Variants in GPHN observed in about 807,000 individuals in gnomAD.
The protein encoded by GPHN is gephyrin.
Under a neutral mutation model 95.5 loss-of-function variants are expected in GPHN, and 17 were observed. That is an observed-to-expected ratio of 0.18 (90% CI 0.12 to 0.27). The LOEUF (loss-of-function observed/expected upper bound fraction) is 0.27, where lower values mean the gene tolerates loss of function less well. Ranked by LOEUF, GPHN falls within the 10% of genes least tolerant of loss-of-function variation. The pLI is 1.00. For missense variants in GPHN, 660 were observed against 978.1 expected, an observed-to-expected ratio of 0.67 and a Z score of 4.34; for synonymous variants, 320 against 322.5, an observed-to-expected ratio of 0.99 and a Z score of 0.08.
chr14:67,528,951 G>A, the GPHN span, among the ~76,000 whole-genome samples: 2 of 152,040 alleles, frequency 1.3e-5, no homozygotes, highest in Non-Finnish European at 2.9e-5. Flanking sequence ...TGGAATCACT[G>A]CCCACCTCCT....
the GPHN span, chr14:67,555,915 T>C: frequency 1.2e-6 from 2 of 1,610,124 alleles, no homozygotes; most frequent in Non-Finnish European, 8.5e-7. Flanking sequence ...TCGGCGGGAA[T>C]ATGCAGGGGA....
the GPHN span, among the ~76,000 whole-genome samples, chr14:67,431,391 CAAAAAAA>C: frequency 4.3e-3 from 329 of 77,338 alleles, no homozygotes; most frequent in African/African-American, 0.013. Flanking sequence ...GACTCTGTCT[CAAAAAAA>C]AAAAAAAAAA....
intron 3 of GPHN, among the ~76,000 whole-genome samples, chr14:66,793,885 A>G (rs547809127): frequency 1.2e-4 from 19 of 152,206 alleles, no homozygotes; most frequent in African/African-American, 4.1e-4. Flanking sequence ...AATAAGAGAC[A>G]TATAGAAAAC....
At chr14:67,572,001 C>A in the GPHN span, 2 of 1,488,538 alleles carry the variant, frequency 1.3e-6, no homozygotes, top group Non-Finnish European at 1.8e-6. Context: ...GATCTGAGCT[C>A]GTGACCCCCC....
the GPHN span, chr14:67,199,979 C>A: frequency 1.8e-6 from 2 of 1,141,800 alleles, no homozygotes; most frequent in East Asian, 2.5e-5. Flanking sequence ...CCAGGGATGT[C>A]TCAGATGCAG....
chr14:66,926,774 T>C (rs941972071), intron 8 of GPHN, among the ~76,000 whole-genome samples: 1 of 152,182 alleles, frequency 6.6e-6, no homozygotes, highest in Non-Finnish European at 1.5e-5. Flanking sequence ...TGATTATTTT[T>C]TCTGTTTCTG....
chr14:66,641,055 G>T (rs572121810), intron 1 of GPHN, among the ~76,000 whole-genome samples: 2 of 152,310 alleles, frequency 1.3e-5, no homozygotes, highest in East Asian at 3.9e-4. Flanking sequence ...AGGATGAATA[G>T]ATACACTGTC....
chr14:67,371,282 G>C, the GPHN span, among the ~76,000 whole-genome samples: 1 of 151,830 alleles, frequency 6.6e-6, no homozygotes, highest in African/African-American at 2.4e-5. Flanking sequence ...GGGTGTGGTG[G>C]TGTGTACCTG....
At chr14:67,515,403 GC>G in the GPHN span, 2 of 179,724 alleles carry the variant, frequency 1.1e-5, no homozygotes, top group Non-Finnish European at 2.2e-5. Context: ...GAGGAAAGGA[GC>G]CCCCGGCGGC....
intron 1 of GPHN, among the ~76,000 whole-genome samples, chr14:66,661,729 T>A (rs1221075334): frequency 2.6e-5 from 4 of 151,858 alleles, no homozygotes; most frequent in African/African-American, 9.7e-5. Flanking sequence ...TCACTTGTAT[T>A]CTCTGGTTCA....
the GPHN span, among the ~76,000 whole-genome samples, chr14:67,276,702 C>T: frequency 2.0e-5 from 3 of 152,008 alleles, no homozygotes; most frequent in Non-Finnish European, 4.4e-5. Flanking sequence ...GGGGAGATAA[C>T]CAAAATGAAA....
chr14:67,462,118 G>T, the GPHN span, among the ~76,000 whole-genome samples: 4 of 152,218 alleles, frequency 2.6e-5, no homozygotes, highest in Non-Finnish European at 2.9e-5. Flanking sequence ...GTCTCCTGGA[G>T]GTGGGGTAGG....
intron 1 of GPHN, among the ~76,000 whole-genome samples, chr14:66,617,107 C>T (rs775348423): frequency 2.6e-5 from 4 of 152,180 alleles, no homozygotes; most frequent in Non-Finnish European, 5.9e-5. Context: ...CCGGATTCCT[C>T]AGAACCACCA....
At chr14:66,530,783 C>T (rs2058893620) in intron 1 of GPHN, among the ~76,000 whole-genome samples, 1 of 152,030 alleles carries the variant, frequency 6.6e-6, no homozygotes, top group East Asian at 1.9e-4. Flanking sequence ...CCTCTGTGGG[C>T]TGCAACCACT....
the GPHN span, among the ~76,000 whole-genome samples, chr14:67,482,278 G>T: frequency 6.6e-6 from 1 of 152,212 alleles, no homozygotes; most frequent in Non-Finnish European, 1.5e-5. Context: ...CAGTTGAGAG[G>T]GGTAAAGAGG....
At chr14:67,359,596 G>A in the GPHN span, 1 of 1,593,604 alleles carries the variant, frequency 6.3e-7, no homozygotes. Context: ...CCCAGGGTCT[G>A]AAGGGACCGC....
At chr14:67,208,108 A>G in the GPHN span, 2 of 1,528,548 alleles carry the variant, frequency 1.3e-6, no homozygotes, top group Non-Finnish European at 1.8e-6. Flanking sequence ...GTGACGATGA[A>G]TGAAATGGTG....
chr14:67,121,635 G>A (rs1466605183), intron 16 of GPHN, among the ~76,000 whole-genome samples: 2 of 152,054 alleles, frequency 1.3e-5, no homozygotes, highest in Admixed American at 6.6e-5. Flanking sequence ...AATTTTCTTC[G>A]TAGACATAGT....
chr14:67,217,162 T>C, the GPHN span, among the ~76,000 whole-genome samples: 1 of 144,730 alleles, frequency 6.9e-6, no homozygotes, highest in Non-Finnish European at 1.5e-5. Flanking sequence ...AATGACTTTC[T>C]TCATCTTTTT....
Sources: gnomAD v4.1 joint callset for allele counts (sites outside exome capture counted in the v4.1 genomes callset) on GRCh38, gnomAD v4.1.1 for gene constraint, MANE v1.5 for transcripts, NCBI Gene and HGNC (gene_info 2026-07-23, HGNC 2026-07-21) for gene names.